The following MGAM variants were observed in gnomAD, a reference collection of about 807,000 sequenced individuals.
The protein encoded by MGAM is alpha-1,4-glucosidase.
MGAM carries 253 observed loss-of-function variants against 358.8 expected under a neutral mutation model. That is an observed-to-expected ratio of 0.71 (90% CI 0.64 to 0.78). MGAM has a LOEUF of 0.78. Ranked by LOEUF, MGAM falls within the 30% of genes least tolerant of loss-of-function variation. The pLI is 0.00. For missense variants in MGAM, 3,080 were observed against 3,432.6 expected (o/e 0.90, Z 2.57); for synonymous variants, 1,105 against 1,227.1 (o/e 0.90, Z 2.08).
intron 2 of MGAM, among the ~76,000 whole-genome samples, chr7:141,987,798 T>C (rs1803776945): frequency 6.6e-6 from 1 of 152,232 alleles, no homozygotes; most frequent in South Asian, 2.1e-4. Flanking sequence ...CCATTTTCTG[T>C]ATTTACTGCT....
chr7:142,017,371 C>T (rs557968820), intron 3 of MGAM, among the ~76,000 whole-genome samples: 2 of 152,152 alleles, frequency 1.3e-5, no homozygotes, highest in South Asian at 4.1e-4. Context: ...AATCTATTTT[C>T]CTAGGTTTTA....
In MGAM at chr7:142,022,310, C is replaced by G. The variant is rs1554459207; in HGVS notation, c.753C>G (p.Phe251Leu). ...GGCCCCTACTGTTTGCTGACCAGTT[C>G]TTGCAGCTCTCCACTCGACTGCCTA... ...SIGPLLFADQ[F>L]LQLSTRLPST... is the part of the protein sequence containing the mutation. The change falls in exon 7 of 71, where the codon TTC becomes TTG. Residue 251 changes from phenylalanine (F) to leucine (L), a missense_variant. Coordinates refer to ENST00000475668, the MANE Select transcript of MGAM (RefSeq NM_001365693.1). 2 of 1,613,004 alleles carry G rather than the reference C, an allele frequency of 1.2e-6. No homozygotes were observed. Among genetic ancestry groups the G allele is most frequent in the Admixed American group, 1.7e-5 (1 of 59,960 alleles).
At chr7:142,043,753 ACGAC>A (rs1338503395) in intron 21 of MGAM, among the ~76,000 whole-genome samples, 9 of 79,328 alleles carry the variant, frequency 1.1e-4, no homozygotes, top group Admixed American at 1.7e-4. Context: ...ATATACACAT[ACGAC>A]ATATAATATA....
intron 3 of MGAM, among the ~76,000 whole-genome samples, chr7:142,011,606 C>A (rs2128987856): frequency 6.6e-6 from 1 of 152,214 alleles, no homozygotes; most frequent in South Asian, 2.1e-4. Flanking sequence ...TTGACTTGAT[C>A]AGTAAGTCAC....
At chr7:142,058,540 C>T (rs1190015852) in intron 31 of MGAM, among the ~76,000 whole-genome samples, 1 of 152,230 alleles carries the variant, frequency 6.6e-6, no homozygotes, top group Non-Finnish European at 1.5e-5. Context: ...CATGACTCGC[C>T]AGAGTGGGAG....
chr7:142,042,491 A>ATAT lies in MGAM; in HGVS notation c.2498+1646_2498+1648dup, dbSNP rs1563147593. Among the ~76,000 whole-genome samples, 37 of 6,760 alleles carry ATAT rather than the reference A, an allele frequency of 5.5e-3. 1 individual carries two copies. The highest frequency in any genetic ancestry group is 0.038 in the African/African-American group (36 of 940). 4.4% of individuals were successfully genotyped at this position (6,760 alleles called of 152,430 possible). On this transcript the variant is annotated intron_variant, in intron 21 of 70. Coordinates refer to ENST00000475668, the MANE Select transcript of MGAM (RefSeq NM_001365693.1). ...ATAATATATAATATATATTATATAC[A>ATAT]TATATATAATATATAATATATATTA...
chr7:142,020,304 C>G (rs568518399), intron 4 of MGAM, among the ~76,000 whole-genome samples: 28 of 152,044 alleles, frequency 1.8e-4, no homozygotes, highest in Admixed American at 9.2e-4. Context: ...ATGAAAATAA[C>G]TGAGAAGGAA....
At chr7:142,040,093 C>T (rs1189939197) in intron 19 of MGAM, 22 bp from the exon 20 acceptor site, 2 of 1,580,028 alleles carry the variant, frequency 1.3e-6, no homozygotes, top group East Asian at 2.2e-5. Flanking sequence ...CCTCAGGGGA[C>T]ACTACATTTT....
At position 142,103,336 on chromosome 7, in the gene MGAM, A is replaced by G; in HGVS notation, c.8081A>G (p.Tyr2694Cys). ...ITGTNPLKLG[Y>C]IEIWGVGSVP... ...GGTACAAATCCTTTGAAACTGGGCT[A>G]CATTGAAATCTGGGGAGTGGGCAGT... The change falls in exon 70 of 71, where the codon TAC becomes TGC. Residue 2694 changes from tyrosine to cysteine, a missense_variant. Transcript: ENST00000475668. 22 of 1,613,114 alleles carry G rather than the reference A, an allele frequency of 1.4e-5. No homozygotes were observed. The highest frequency in any genetic ancestry group is 1.9e-5 in the Non-Finnish European group (22 of 1,179,406).
At position 142,102,677 on chromosome 7, in the gene MGAM, C is replaced by G. The variant is rs1816541998; in HGVS notation, c.8011C>G (p.Gln2671Glu). ...LYYLASFSAS[Q>E]NTMQSHIIFN... ...TTACTTGGCCAGCTTTTCTGCCAGC[C>G]AGGTGAGTGTGATTGATATGAAGTG... Residue 2671 changes from glutamine to glutamate, a missense_variant and splice_region_variant, in exon 69 of 71, where the codon CAG (glutamine) becomes GAG (glutamate). This residue lies in a region of MGAM where 194 missense variants were observed against 172.8 expected (regional missense o/e 1.12). Coordinates refer to ENST00000475668, the MANE Select transcript of MGAM (RefSeq NM_001365693.1). 1 of 1,613,016 alleles carries G rather than the reference C, an allele frequency of 6.2e-7. No homozygotes were observed. The highest frequency in any genetic ancestry group is 8.5e-7 in the Non-Finnish European group (1 of 1,179,406).
At chr7:142,070,774 T>C (rs115792157) in intron 43 of MGAM, among the ~76,000 whole-genome samples, 14,018 of 145,984 alleles carry the variant, frequency 0.096, 2,079 homozygotes, top group African/African-American at 0.23. Flanking sequence ...GTAGTTTGTA[T>C]GGTGGAAGCA....
At position 142,105,958 on chromosome 7, in the gene MGAM, A is replaced by G; in HGVS notation, c.*67A>G. The G allele has an allele frequency of 8.1e-7, 1 of 1,228,130 alleles. No individual in the cohort carries two copies. The highest frequency in any genetic ancestry group is 1.2e-6 in the Non-Finnish European group (1 of 837,268). 76.1% of individuals were successfully genotyped at this position (1,228,130 alleles called of 1,614,324 possible). A position where few individuals can be genotyped will look rare whatever the true frequency, so the allele number is the denominator to read the frequency against. On this transcript the variant is annotated 3_prime_UTR_variant, in exon 71 of 71. Coordinates refer to ENST00000475668, the MANE Select transcript of MGAM (RefSeq NM_001365693.1). The stretch of plus-strand genomic sequence containing the variant: ...AACTACTTATACTTCATACTCATAA[A>G]AATTATTGTGTGTTGCTAATTTGTT...
rs1450690513 is a variant in MGAM, at chr7:142,019,266, A to G, written c.395A>G (p.Tyr132Cys). Residue 132 changes from tyrosine to cysteine, a missense_variant, in exon 4 of 71, where the codon TAT (tyrosine) becomes TGT (cysteine). Physicochemically the swap from Tyr to Cys is radical, Grantham distance 194 (BLOSUM62 -2). Around this residue, in one of 5 missense-constraint regions of MGAM, gnomAD observed 1,816 missense variants for 1,840.5 expected, o/e 0.99. Transcript: ENST00000475668. ...QGAVSVPWCY[Y>C]SKNHSYHVEG... is the part of the protein sequence containing the mutation. ...GCTGTAAGTGTTCCCTGGTGCTACT[A>G]TTCCAAGAATCATAGCTACCATGTA... 6.8e-6 allele frequency: 11 copies of G among 1,613,588 alleles called. No homozygotes were observed. The highest frequency in any genetic ancestry group is 1.3e-5 in the African/African-American group (1 of 74,912).
chr7:141,989,164 TGTA>T (rs1295566105), intron 2 of MGAM, among the ~76,000 whole-genome samples: 1 of 151,456 alleles, frequency 6.6e-6, no homozygotes, highest in East Asian at 1.9e-4. Flanking sequence ...AAGAGAGTCT[TGTA>T]GTAGTGGTTT....
At chr7:142,048,361 G>A (rs1810598276) in intron 22 of MGAM, among the ~76,000 whole-genome samples, 1 of 151,552 alleles carries the variant, frequency 6.6e-6, no homozygotes, top group Non-Finnish European at 1.5e-5. Flanking sequence ...TGTTAGCCAG[G>A]ATGATCTCGA....
Position 142,095,666 on chromosome 7 carries a change from T to C in MGAM, c.7560T>C (p.His2520=), listed in dbSNP as rs147084365. Residue 2520 remains histidine, a synonymous_variant, in exon 64 of 71, where the codon CAT becomes CAC. Transcript: ENST00000475668. ...TGCCATATCTGTATACCTTGATGCA[T>C]AAGGCCCACACGGAGGGCGTCACTG... is the stretch of plus-strand genomic sequence containing the variant. ...TLLPYLYTLM[H]KAHTEGVTVV... The C allele has an allele frequency of 6.2e-4, 1,001 of 1,613,970 alleles. 5 individuals carry two copies. In the African/African-American group the frequency reaches 0.011, roughly 19 times the overall value.
rs560100402 is a variant in MGAM, at chr7:142,076,791, A to G, written c.5458A>G (p.Thr1820Ala). 147 of 1,555,312 alleles carry G rather than the reference A, an allele frequency of 9.5e-5. 21 individuals carry two copies. Among genetic ancestry groups the G allele is most frequent in the Admixed American group, 5.8e-4 (34 of 58,386 alleles). Residue 1820 changes from threonine to alanine, a missense_variant, in exon 47 of 71, where the codon ACT becomes GCT. Coordinates refer to ENST00000475668, the MANE Select transcript of MGAM (RefSeq NM_001365693.1). ...GAAACACAATGGTGTCCCAAGTCAG[A>G]CTTCTCCTACAGTCACTTATGATTC... ...TVKHNGVPSQ[T>A]SPTVTYDSNL...
rs117482862 is a variant in MGAM at position 142,080,827 on chromosome 7, G to A, written c.5884G>A (p.Val1962Ile). The part of the protein sequence containing the change: ...DPNNNRYEVP[V>I]PLNIPSVPSS... Reference sequence around the variant, plus strand: ...CAACAACAATCGGTATGAAGTTCCAGTCCCTCTGAACATACCCAGCGTGCC... The same window carrying A: ...CAACAACAATCGGTATGAAGTTCCAATCCCTCTGAACATACCCAGCGTGCC... Residue 1962 changes from valine (V) to isoleucine (I), a missense_variant, in exon 50 of 71, where the codon GTC (valine) becomes ATC (isoleucine). This residue lies in a region of MGAM where 932 missense variants were observed against 1,198.2 expected (regional missense o/e 0.78). Coordinates refer to ENST00000475668, the MANE Select transcript of MGAM (RefSeq NM_001365693.1). 12,782 of 1,556,020 alleles carry A rather than the reference G, an allele frequency of 8.2e-3. 1,864 individuals carry two copies. In the South Asian group the frequency reaches 0.086, roughly 10 times the overall value.
chr7:142,028,527 G>A (rs1554461780), intron 10 of MGAM, among the ~76,000 whole-genome samples: 1 of 152,114 alleles, frequency 6.6e-6, no homozygotes, highest in Non-Finnish European at 1.5e-5. Flanking sequence ...AACAAATACT[G>A]CATGTGACTA....
Sources: gnomAD v4.1 joint callset for allele counts (sites outside exome capture counted in the v4.1 genomes callset) on GRCh38, gnomAD v4.1.1 for gene constraint, gnomAD v4.1.1 regional missense constraint, MANE v1.5 for transcripts, NCBI Gene and HGNC (gene_info 2026-07-23, HGNC 2026-07-21) for gene names.